Variants in TNFSF18 observed in about 807,000 individuals in gnomAD.
TNFSF18 encodes the protein tumor necrosis factor ligand superfamily member 18.
TNFSF18 carries 6 observed loss-of-function variants against 9.6 expected under a neutral mutation model. The ratio of observed to expected loss-of-function variants is 0.63; its 90% confidence interval spans 0.34 to 1.24. The LOEUF is 1.24. Ranked by LOEUF, TNFSF18 falls within the 50% of genes most tolerant of loss-of-function variation. The pLI is 0.03. For missense variants in TNFSF18, 210 were observed against 201.0 expected (o/e 1.04, Z -0.27); for synonymous variants, 68 against 71.7 (o/e 0.95, Z 0.26).
Position 173,041,182 on chromosome 1 carries a change from C to A in TNFSF18, c.*185G>T. On this transcript the variant is annotated 3_prime_UTR_variant, in exon 3 of 3. Transcript: ENST00000404377. ...TATCTCTGCAGATCCAACCAAAAGTCTTTGGCTCTTCCCCTGAGTCTCTTT... is the reference window on the plus strand; with the variant it reads ...TATCTCTGCAGATCCAACCAAAAGTATTTGGCTCTTCCCCTGAGTCTCTTT... The A allele has an allele frequency of 1.9e-6, 1 of 536,232 alleles. No individual in the cohort carries two copies. Among genetic ancestry groups the A allele is most frequent in the Non-Finnish European group, 3.2e-6 (1 of 308,662 alleles). 33.2% of individuals were successfully genotyped at this position (536,232 alleles called of 1,614,324 possible). A position where few individuals can be genotyped will look rare whatever the true frequency, so the allele number is the denominator to read the frequency against.
At position 173,041,466 on chromosome 1, in the gene TNFSF18, C is replaced by T. The variant is rs1664989056; in HGVS notation, c.435G>A (p.Gly145=). Residue 145 remains glycine (G), a synonymous_variant, in exon 3 of 3, where the codon GGG becomes GGA. Coordinates refer to ENST00000404377, the MANE Select transcript of TNFSF18 (RefSeq NM_005092.4). ...AGTTGAATATCAAGTCTATGGTGTC[C>T]CCAACATGCAATTCATAAGTCCCTC... ...NVGGTYELHV[G]DTIDLIFNSE... is the part of the protein sequence containing the mutation. 1 of 1,613,200 alleles carries T rather than the reference C, an allele frequency of 6.2e-7. No individual in the cohort carries two copies. The highest frequency in any genetic ancestry group is 1.3e-5 in the African/African-American group (1 of 74,818).
chr1:173,041,123 T>A lies in TNFSF18; in HGVS notation c.*244A>T. ...TTCTTTGAAAAGCACATGTCCTCTG[T>A]CATCCATATTTGTTTTATCATGGAT... is the stretch of plus-strand genomic sequence containing the variant. On this transcript the variant is annotated 3_prime_UTR_variant, in exon 3 of 3. Transcript: ENST00000404377. 2.6e-6 allele frequency: 1 copy of A among 381,042 alleles called. No individual in the cohort carries two copies. The highest frequency in any genetic ancestry group is 2.1e-5 in the African/African-American group (1 of 48,408). 23.6% of individuals were successfully genotyped at this position (381,042 alleles called of 1,614,324 possible).
chr1:173,041,814 T>A, intron 2 of TNFSF18, 101 bp from the exon 3 acceptor site: 1 of 1,030,946 alleles, frequency 9.7e-7, no homozygotes, highest in South Asian at 2.1e-5. Flanking sequence ...TACATGTTGT[T>A]TCTTTACCTG....
At chr1:173,047,700 G>C (rs1410116511) in intron 1 of TNFSF18, among the ~76,000 whole-genome samples, 1 of 152,124 alleles carries the variant, frequency 6.6e-6, no homozygotes, top group Admixed American at 6.6e-5. Context: ...AGAAACCTAA[G>C]CTATAGACAA....
At chr1:173,044,256 C>A (rs1234762031) in intron 1 of TNFSF18, among the ~76,000 whole-genome samples, 1 of 57,366 alleles carries the variant, frequency 1.7e-5, no homozygotes, top group Admixed American at 1.6e-4. Flanking sequence ...TGATATCGGA[C>A]CCCCCCCCCA....
chr1:173,050,562 C>T (rs1159296725), intron 1 of TNFSF18, among the ~76,000 whole-genome samples, 179 bp downstream of exon 1: 1 of 152,078 alleles, frequency 6.6e-6, no homozygotes, highest in Non-Finnish European at 1.5e-5. Flanking sequence ...ATCTCAAAAC[C>T]TTTAGATAAA....
intron 1 of TNFSF18, among the ~76,000 whole-genome samples, chr1:173,048,857 CA>C (rs1665122739): frequency 3.3e-5 from 5 of 152,116 alleles, no homozygotes; most frequent in African/African-American, 1.2e-4. Flanking sequence ...ACTTCTTTTC[CA>C]GAGATATTTA....
In TNFSF18 at chr1:173,041,325, C is replaced by G. The variant is rs755316352; in HGVS notation, c.*42G>C. On this transcript the variant is annotated 3_prime_UTR_variant, in exon 3 of 3. Transcript: ENST00000404377. ...CTCCCTCCAATCCACCCACTGGCAC[C>G]TCTACATGTGCTGAAGGGAATGAGG... The G allele has an allele frequency of 4.1e-6, 6 of 1,473,312 alleles. No homozygotes were observed. The highest frequency in any genetic ancestry group is 4.6e-6 in the Non-Finnish European group (5 of 1,084,872). The allele number at this position is 1,473,312 out of a possible 1,614,324, so 91.3% of individuals were successfully genotyped here.
At chr1:173,046,163 A>G (rs763533736) in intron 1 of TNFSF18, among the ~76,000 whole-genome samples, 98 of 152,208 alleles carry the variant, frequency 6.4e-4, no homozygotes, top group Non-Finnish European at 1.3e-3. Context: ...CTTCAGATAT[A>G]TTCAACAGTG....
In TNFSF18 at chr1:173,041,706, T is replaced by C. The variant is rs777479357; in HGVS notation, c.195A>G (p.Leu65=). The change falls in exon 3 of 3, where the codon TTA becomes TTG. Residue 65 remains leucine, a synonymous_variant. Transcript: ENST00000404377. ...KEPCMAKFGP[L]PSKWQMASSE... ...AAGATGCCATTTGCCATTTTGAGGG[T>C]AATGGTCCTATAAGAAATATACAAG... The C allele has an allele frequency of 7.5e-6, 12 of 1,593,632 alleles. No homozygotes were observed. The highest frequency in any genetic ancestry group is 1.0e-5 in the Non-Finnish European group (12 of 1,171,030).
rs1664964442 is a variant in TNFSF18, at chr1:173,040,009, CATAA to C, written c.*1354_*1357del. The C allele has an allele frequency of 1.3e-5, 2 of 151,802 alleles. No homozygotes were observed. The highest frequency in any genetic ancestry group is 1.3e-4 in the Admixed American group (2 of 15,208). 9.4% of individuals were successfully genotyped at this position (151,802 alleles called of 1,614,324 possible). A position where few individuals can be genotyped will look rare whatever the true frequency, so the allele number is the denominator to read the frequency against. On this transcript the variant is annotated 3_prime_UTR_variant, in exon 3 of 3. Coordinates refer to ENST00000404377, the MANE Select transcript of TNFSF18 (RefSeq NM_005092.4). ...CATAATGCAGCTTTTCACAAATATC[CATAA>C]ATATTTTAAATTTGTTTACAATGTA...
chr1:173,041,309 A>T lies in TNFSF18; in HGVS notation c.*58T>A. On this transcript the variant is annotated 3_prime_UTR_variant, in exon 3 of 3. Coordinates refer to ENST00000404377, the MANE Select transcript of TNFSF18 (RefSeq NM_005092.4). ...AGAAATTGAATATCTTCTCCCTCCA[A>T]TCCACCCACTGGCACCTCTACATGT... 7.4e-7 allele frequency: 1 copy of T among 1,359,010 alleles called. No individual in the cohort carries two copies. The highest frequency in any genetic ancestry group is 1.0e-6 in the Non-Finnish European group (1 of 990,172). The allele number at this position is 1,359,010 out of a possible 1,614,324, so 84.2% of individuals were successfully genotyped here. A position where few individuals can be genotyped will look rare whatever the true frequency, so the allele number is the denominator to read the frequency against.
chr1:173,044,943 G>C (rs1273189377), intron 1 of TNFSF18, among the ~76,000 whole-genome samples: 1 of 152,164 alleles, frequency 6.6e-6, no homozygotes. Context: ...TAGGGAATGA[G>C]AAGAAACAAA....
At position 173,039,502 on chromosome 1, in the gene TNFSF18, C is replaced by T. The variant is rs1664956821; in HGVS notation, c.*1865G>A. On this transcript the variant is annotated 3_prime_UTR_variant, in exon 3 of 3. Coordinates refer to ENST00000404377, the MANE Select transcript of TNFSF18 (RefSeq NM_005092.4). ...AGTTTCACAGTGGTGTGCTGGTGAA[C>T]TAGCTGTCCAAAAGGAAAATGTGTA... Among the ~76,000 whole-genome samples the T allele has an allele frequency of 6.6e-6, 1 of 152,028 alleles. No individual in the cohort carries two copies. Among genetic ancestry groups the T allele is most frequent in the Admixed American group, 6.6e-5 (1 of 15,242 alleles).
chr1:173,048,632 A>G (rs1665120310), intron 1 of TNFSF18, among the ~76,000 whole-genome samples: 1 of 152,152 alleles, frequency 6.6e-6, no homozygotes, highest in African/African-American at 2.4e-5. Context: ...AAAAAAATTG[A>G]CCCAAGGAGC....
At chr1:173,042,946 C>T (rs1046319035) in intron 2 of TNFSF18, among the ~76,000 whole-genome samples, 1 of 152,130 alleles carries the variant, frequency 6.6e-6, no homozygotes, top group Non-Finnish European at 1.5e-5. Flanking sequence ...CACCCAGTAT[C>T]GCCAATGAGC....
chr1:173,041,296 T>A lies in TNFSF18; in HGVS notation c.*71A>T. The A allele has an allele frequency of 3.2e-6, 4 of 1,233,496 alleles. No homozygotes were observed. In the South Asian group the frequency reaches 6.0e-5, roughly 19 times the overall value. The allele number at this position is 1,233,496 out of a possible 1,614,324, so 76.4% of individuals were successfully genotyped here. ...ACAGACAAACTCTAGAAATTGAATA[T>A]CTTCTCCCTCCAATCCACCCACTGG... On this transcript the variant is annotated 3_prime_UTR_variant, in exon 3 of 3. Coordinates refer to ENST00000404377, the MANE Select transcript of TNFSF18 (RefSeq NM_005092.4).
rs753957334 is a variant in TNFSF18 at position 173,040,665 on chromosome 1, T to C, written c.*702A>G. On this transcript the variant is annotated 3_prime_UTR_variant, in exon 3 of 3. Transcript: ENST00000404377. ...GTTACTCTTTCTTTACAATTAGCAATGTTTAGACACACACACCAACAGTAA... is the reference window on the plus strand; with the variant it reads ...GTTACTCTTTCTTTACAATTAGCAACGTTTAGACACACACACCAACAGTAA... 16 of 152,188 alleles carry C rather than the reference T, an allele frequency of 1.1e-4. No individual in the cohort carries two copies. The highest frequency in any genetic ancestry group is 1.8e-4 in the Non-Finnish European group (12 of 68,028). The allele number at this position is 152,188 out of a possible 1,614,324, so 9.4% of individuals were successfully genotyped here.
intron 1 of TNFSF18, among the ~76,000 whole-genome samples, chr1:173,048,159 C>A (rs538671272): frequency 6.6e-6 from 1 of 152,280 alleles, no homozygotes; most frequent in South Asian, 2.1e-4. Flanking sequence ...AGAATGAGAT[C>A]TACACCCAGC....
Sources: allele counts gnomAD v4.1 joint callset (sites outside exome capture counted in the v4.1 genomes callset), GRCh38; gene constraint gnomAD v4.1.1; transcripts MANE v1.5; gene names NCBI Gene and HGNC (gene_info 2026-07-23, HGNC 2026-07-21).